The following RASSF8 variants were observed in gnomAD, a reference collection of about 807,000 sequenced individuals.
RASSF8 encodes Ras association domain family member 8.
A neutral mutation model predicts 48.5 loss-of-function variants in RASSF8; 22 were observed. The observed-to-expected ratio is 0.45, with a 90% CI of 0.32 to 0.65. The LOEUF (loss-of-function observed/expected upper bound fraction) is 0.65. Ranked by LOEUF, RASSF8 falls within the 30% of genes least tolerant of loss-of-function variation. RASSF8 has a pLI of 0.03. For synonymous variants in RASSF8, 127 were observed against 171.5 expected (o/e 0.74, Z 2.03); for missense variants, 418 against 489.2 (o/e 0.85, Z 1.37).
At chr12:26,018,609 C>T (rs1008875639) in intron 2 of RASSF8, among the ~76,000 whole-genome samples, 2 of 152,080 alleles carry the variant, frequency 1.3e-5, no homozygotes, top group African/African-American at 4.8e-5. Context: ...TACATAGTTG[C>T]GAGAACCAGC....
chr12:26,045,551 A>T (rs1343558865), intron 2 of RASSF8, among the ~76,000 whole-genome samples: 1 of 152,192 alleles, frequency 6.6e-6, no homozygotes, highest in African/African-American at 2.4e-5. Flanking sequence ...ATATGCTTTG[A>T]TATGTGACAT....
At chr12:26,009,300 A>G (rs1942466695) in intron 2 of RASSF8, among the ~76,000 whole-genome samples, 1 of 152,246 alleles carries the variant, frequency 6.6e-6, no homozygotes, top group South Asian at 2.1e-4. Context: ...GAATAAAGCT[A>G]TACCTACAGG....
chr12:26,076,761 A>G (rs1944076241), downstream of RASSF8, among the ~76,000 whole-genome samples: 2 of 152,184 alleles, frequency 1.3e-5, no homozygotes, highest in African/African-American at 4.8e-5. Context: ...ATGATTTATA[A>G]TCCTTTGGGT....
At chr12:26,032,215 T>C (rs1469061570) in intron 2 of RASSF8, among the ~76,000 whole-genome samples, 2 of 152,234 alleles carry the variant, frequency 1.3e-5, no homozygotes, top group East Asian at 1.9e-4. Context: ...TTTTCACATA[T>C]AAAACTTTGA....
chr12:25,994,758 G>A (rs1942093421), intron 1 of RASSF8, among the ~76,000 whole-genome samples: 1 of 152,088 alleles, frequency 6.6e-6, no homozygotes, highest in South Asian at 2.1e-4. Context: ...GAACTCCATA[G>A]GCCAATCAAA....
At position 26,055,278 on chromosome 12, in the gene RASSF8, G is replaced by T. The variant is rs913467124; in HGVS notation, c.-66G>T. 2.1e-5 allele frequency: 27 copies of T among 1,309,696 alleles called. No individual in the cohort carries two copies. The African/African-American group carries it at 3.5e-4, about 17-fold the overall frequency. 81.1% of individuals were successfully genotyped at this position (1,309,696 alleles called of 1,614,324 possible). A position where few individuals can be genotyped will look rare whatever the true frequency, so the allele number is the denominator to read the frequency against. On this transcript the variant is annotated 5_prime_UTR_variant, in exon 3 of 6. Transcript: ENST00000689635. ...GTCTTCTCCACTCCGTGTTCCTGCAGCTAGAGACATGACCTAACACCCTGA... is the reference window on the plus strand; with the variant it reads ...GTCTTCTCCACTCCGTGTTCCTGCATCTAGAGACATGACCTAACACCCTGA...
At chr12:26,035,853 TA>T (rs1943136774) in intron 2 of RASSF8, among the ~76,000 whole-genome samples, 1 of 141,794 alleles carries the variant, frequency 7.1e-6, no homozygotes. Flanking sequence ...ATGTATTATA[TA>T]AAATATAATA....
intron 1 of RASSF8, among the ~76,000 whole-genome samples, chr12:25,984,635 C>T (rs1343654534): frequency 6.6e-6 from 1 of 152,130 alleles, no homozygotes; most frequent in Non-Finnish European, 1.5e-5. Context: ...GCCACTGCAC[C>T]CAGCCTAAAC....
intron 2 of RASSF8, among the ~76,000 whole-genome samples, chr12:26,011,389 C>G (rs1368435559): frequency 6.6e-6 from 1 of 152,136 alleles, no homozygotes; most frequent in Non-Finnish European, 1.5e-5. Context: ...AAGAACTTTC[C>G]TCTTCCTGAC....
intron 1 of RASSF8, among the ~76,000 whole-genome samples, chr12:25,968,327 G>C (rs1303002670): frequency 1.3e-5 from 2 of 149,894 alleles, no homozygotes; most frequent in African/African-American, 2.5e-5. Context: ...CTCTTTCTTT[G>C]TTCTTTATTT....
chr12:26,018,768 T>C (rs976042379), intron 2 of RASSF8, among the ~76,000 whole-genome samples: 4 of 152,224 alleles, frequency 2.6e-5, no homozygotes, highest in South Asian at 2.1e-4. Context: ...GCAGATTTGA[T>C]ACGGCCCCAG....
chr12:25,973,822 C>T (rs758591193), intron 1 of RASSF8: 3 of 152,184 alleles, frequency 2.0e-5, no homozygotes, highest in African/African-American at 4.8e-5. Context: ...ACACCTGATC[C>T]GCTGGTGCCA....
At chr12:26,058,837 T>G (rs964341050) in intron 3 of RASSF8, among the ~76,000 whole-genome samples, 14 of 152,178 alleles carry the variant, frequency 9.2e-5, no homozygotes, top group Non-Finnish European at 1.6e-4. Context: ...CAGATTAGAT[T>G]TAGGTGATGG....
Position 26,070,991 on chromosome 12 carries a change from C to T in RASSF8, c.*2173C>T. Reference sequence around the variant, plus strand: ...TTCCCAGCAGAGTATCACAGTTAACCTCTCTGACAACTTCATCAGAATTTC... The same window carrying T: ...TTCCCAGCAGAGTATCACAGTTAACTTCTCTGACAACTTCATCAGAATTTC... On this transcript the variant is annotated 3_prime_UTR_variant, in exon 6 of 6. Coordinates refer to ENST00000689635, the MANE Select transcript of RASSF8 (RefSeq NM_001394098.1). The T allele has an allele frequency of 2.0e-6, 2 of 985,026 alleles. No homozygotes were observed. The highest frequency in any genetic ancestry group is 2.4e-6 in the Non-Finnish European group (2 of 829,596). 61.0% of individuals were successfully genotyped at this position (985,026 alleles called of 1,614,324 possible). A position where few individuals can be genotyped will look rare whatever the true frequency, so the allele number is the denominator to read the frequency against.
intron 2 of RASSF8, among the ~76,000 whole-genome samples, chr12:26,020,956 A>G (rs1021337142): frequency 2.0e-5 from 3 of 152,218 alleles, no homozygotes; most frequent in Admixed American, 6.5e-5. Context: ...CACTCAGGGC[A>G]ATGTCTAGCA....
At chr12:26,064,383 A>G (rs532407375) in intron 3 of RASSF8, 115 bp from the exon 4 acceptor site, 4 of 1,045,588 alleles carry the variant, frequency 3.8e-6, no homozygotes, top group East Asian at 2.5e-5. Context: ...ACTAGACTCA[A>G]ACTTGACCCT....
chr12:25,968,559 G>T (rs1379562655), intron 1 of RASSF8, among the ~76,000 whole-genome samples: 3 of 152,086 alleles, frequency 2.0e-5, no homozygotes, highest in Non-Finnish European at 4.4e-5. Context: ...GGCCAGGCTG[G>T]TCTGAAACTC....
chr12:25,982,783 A>G (rs548286482), intron 1 of RASSF8, among the ~76,000 whole-genome samples: 1 of 152,348 alleles, frequency 6.6e-6, no homozygotes, highest in Non-Finnish European at 1.5e-5. Flanking sequence ...AGTGTATTGT[A>G]GAACTAGAAA....
At chr12:26,062,871 A>G (rs1372169072) in intron 3 of RASSF8, among the ~76,000 whole-genome samples, 1 of 152,154 alleles carries the variant, frequency 6.6e-6, no homozygotes, top group Non-Finnish European at 1.5e-5. Flanking sequence ...AGCGTTTTAG[A>G]AGGGAAGTTG....
Sources: allele counts gnomAD v4.1 joint callset (sites outside exome capture counted in the v4.1 genomes callset), GRCh38; gene constraint gnomAD v4.1.1; transcripts MANE v1.5; gene names NCBI Gene and HGNC (gene_info 2026-07-23, HGNC 2026-07-21).